PCDHB11: variants seen among roughly 807,000 people sequenced by gnomAD.
PCDHB11 encodes protocadherin beta-11.
For missense variants in PCDHB11, 1,151 were observed against 1,003.4 expected, an observed-to-expected ratio of 1.15 and a Z score of -1.99; for synonymous variants, 522 against 442.0, an observed-to-expected ratio of 1.18 and a Z score of -2.27.
Position 141,200,625 on chromosome 5 carries a change from C to T in PCDHB11, c.851C>T (p.Ala284Val), listed in dbSNP as rs1554285350. ...NGEICYTFSH[A>V]SEDIRKTFEI... ...GAAATATGCTATACCTTTTCCCATG[C>T]CTCAGAAGATATTCGCAAGACATTT... is the stretch of plus-strand genomic sequence containing the variant. Residue 284 changes from alanine to valine, a missense_variant, in exon 1 of 1, where the codon GCC (alanine) becomes GTC (valine). By Grantham distance (64) the Ala-to-Val change is moderately conservative. Transcript: ENST00000354757. The T allele has an allele frequency of 1.2e-6, 2 of 1,614,196 alleles. No individual in the cohort carries two copies. Among genetic ancestry groups the T allele is most frequent in the South Asian group, 1.1e-5 (1 of 91,088 alleles).
rs782373600 is a variant in PCDHB11, at chr5:141,201,936, C to T, written c.2162C>T (p.Ser721Leu). The change falls in exon 1 of 1, where the codon TCG (serine) becomes TTG (leucine). Residue 721 changes from serine to leucine, a missense_variant. Physicochemically the swap from Ser to Leu is moderately radical, Grantham distance 145. Coordinates refer to ENST00000354757, the MANE Select transcript of PCDHB11 (RefSeq NM_018931.3). ...CTGTGCAGGAGGAGCAGGGCGGCCTCGGTGGGAAGCTGCTCGGTGCCTAAG... is the reference window on the plus strand; with the variant it reads ...CTGTGCAGGAGGAGCAGGGCGGCCTTGGTGGGAAGCTGCTCGGTGCCTAAG... ...VRLCRRSRAASVGSCSVPKGP... is the reference protein window; with the variant it reads ...VRLCRRSRAALVGSCSVPKGP... 3 of 1,613,876 alleles carry T rather than the reference C, an allele frequency of 1.9e-6. No individual in the cohort carries two copies. Among genetic ancestry groups the T allele is most frequent in the Non-Finnish European group, 2.5e-6 (3 of 1,179,998 alleles).
At position 141,201,742 on chromosome 5, in the gene PCDHB11, C is replaced by G. The variant is rs1554285686; in HGVS notation, c.1968C>G (p.Ala656=). The stretch of plus-strand genomic sequence containing the variant: ...GCGAGCCTCCGCGCTCGGCCACCGC[C>G]ACGCTGCAAGTGCTCCTGGTGGACG... The part of the protein sequence containing the change: ...DNGEPPRSAT[A]TLQVLLVDGF... Residue 656 remains alanine, a synonymous_variant, in exon 1 of 1, where the codon GCC becomes GCG. Coordinates refer to ENST00000354757, the MANE Select transcript of PCDHB11 (RefSeq NM_018931.3). 6.2e-7 allele frequency: 1 copy of G among 1,608,582 alleles called. No homozygotes were observed. Among genetic ancestry groups the G allele is most frequent in the Admixed American group, 1.7e-5 (1 of 60,008 alleles).
At position 141,202,293 on chromosome 5, in the gene PCDHB11, C is replaced by G. The variant is rs1306876868; in HGVS notation, c.*125C>G. Reference sequence around the variant, plus strand: ...AATTGTATTTTTAATTTTTTCTTTTCTCCCCCAATTTTTTTTTTTTTTTTG... The same window carrying G: ...AATTGTATTTTTAATTTTTTCTTTTGTCCCCCAATTTTTTTTTTTTTTTTG... On this transcript the variant is annotated 3_prime_UTR_variant, in exon 1 of 1. Coordinates refer to ENST00000354757, the MANE Select transcript of PCDHB11 (RefSeq NM_018931.3). 14 of 997,946 alleles carry G rather than the reference C, an allele frequency of 1.4e-5. No individual in the cohort carries two copies. In the East Asian group the frequency reaches 3.9e-4, roughly 28 times the overall value. The allele number at this position is 997,946 out of a possible 1,614,324, so 61.8% of individuals were successfully genotyped here. A position where few individuals can be genotyped will look rare whatever the true frequency, so the allele number is the denominator to read the frequency against.
rs1284526802 is a variant in PCDHB11 at position 141,200,027 on chromosome 5, C to T, written c.253C>T (p.Leu85Phe). ...GCTGGACATAAACACTGGGGATTTG[C>T]TCTTAAGTGAAACACTAGACAGGGA... ...LQLDINTGDL[L>F]LSETLDREEL... Residue 85 changes from leucine (L) to phenylalanine (F), a missense_variant, in exon 1 of 1, where the codon CTC becomes TTC. By Grantham distance (22) the Leu-to-Phe change is conservative. Coordinates refer to ENST00000354757, the MANE Select transcript of PCDHB11 (RefSeq NM_018931.3). 3.1e-6 allele frequency: 5 copies of T among 1,614,016 alleles called. No individual in the cohort carries two copies. In the African/African-American group the frequency reaches 5.3e-5, roughly 17 times the overall value.
Position 141,201,115 on chromosome 5 carries a change from C to T in PCDHB11, c.1341C>T (p.Asn447=), listed in dbSNP as rs781827843. The change falls in exon 1 of 1, where the codon AAC becomes AAT. Residue 447 remains asparagine (N), a synonymous_variant. Transcript: ENST00000354757. ...TGTTGGTCTCTGACGTCAATGACAA[C>T]GCCCCCACCTTCACCCAAACCTCCT... ...TTVLVSDVND[N]APTFTQTSYT... is the part of the protein sequence containing the mutation. 2 of 1,614,118 alleles carry T rather than the reference C, an allele frequency of 1.2e-6. No homozygotes were observed. The highest frequency in any genetic ancestry group is 1.7e-5 in the Admixed American group (1 of 60,014).
In PCDHB11 at chr5:141,202,828, C is replaced by G. The variant is rs372700893; in HGVS notation, c.*660C>G. The G allele has an allele frequency of 6.6e-6, 1 of 151,818 alleles. No individual in the cohort carries two copies. Among genetic ancestry groups the G allele is most frequent in the Non-Finnish European group, 1.5e-5 (1 of 67,948 alleles). 9.4% of individuals were successfully genotyped at this position (151,818 alleles called of 1,614,324 possible). ...ATCGTCACCATATTTCTTAGGCTGG[C>G]CTTTAACTTCTGAGCTCAAGAGATG... On this transcript the variant is annotated 3_prime_UTR_variant, in exon 1 of 1. Transcript: ENST00000354757.
In PCDHB11 at chr5:141,201,727, G is replaced by A; in HGVS notation, c.1953G>A (p.Pro651=). The change falls in exon 1 of 1, where the codon CCG becomes CCA. Residue 651 remains proline, a synonymous_variant. Coordinates refer to ENST00000354757, the MANE Select transcript of PCDHB11 (RefSeq NM_018931.3). ...VVLVKDNGEP[P]RSATATLQVL... ...TGGTCAAGGACAATGGCGAGCCTCC[G>A]CGCTCGGCCACCGCCACGCTGCAAG... is the stretch of plus-strand genomic sequence containing the variant. 2 of 1,607,576 alleles carry A rather than the reference G, an allele frequency of 1.2e-6. No homozygotes were observed. The highest frequency in any genetic ancestry group is 1.7e-5 in the Admixed American group (1 of 59,996).
In PCDHB11 at chr5:141,202,057, A is replaced by G. The variant is rs782072249; in HGVS notation, c.2283A>G (p.Thr761=). 34 of 1,614,030 alleles carry G rather than the reference A, an allele frequency of 2.1e-5. No individual in the cohort carries two copies. The South Asian group carries it at 3.5e-4, about 17-fold the overall frequency. Residue 761 remains threonine (T), a synonymous_variant, in exon 1 of 1, where the codon ACA becomes ACG. Transcript: ENST00000354757. ...YEVCLTGGSE[T]NEFKFLKPVI... is the part of the protein sequence containing the mutation. ...TGTGTCTGACGGGAGGTTCCGAGACAAATGAATTCAAGTTCCTAAAACCGG... is the reference window on the plus strand; with the variant it reads ...TGTGTCTGACGGGAGGTTCCGAGACGAATGAATTCAAGTTCCTAAAACCGG...
In PCDHB11 at chr5:141,200,943, C is replaced by T; in HGVS notation, c.1169C>T (p.Pro390Leu). 1 of 1,614,176 alleles carries T rather than the reference C, an allele frequency of 6.2e-7. No individual in the cohort carries two copies. The part of the protein sequence containing the change: ...RIVCSIPEDL[P>L]FVLKSSVENY... ...GTTTGTTCCATTCCGGAAGACCTCC[C>T]ATTCGTGCTAAAATCTTCAGTTGAG... The change falls in exon 1 of 1, where the codon CCA becomes CTA. Residue 390 changes from proline to leucine, a missense_variant. Pro to Leu is a moderately conservative substitution (Grantham distance 98). Coordinates refer to ENST00000354757, the MANE Select transcript of PCDHB11 (RefSeq NM_018931.3).
chr5:141,201,775 C>T lies in PCDHB11; in HGVS notation c.2001C>T (p.Ser667=), dbSNP rs1267729253. Residue 667 remains serine (S), a synonymous_variant, in exon 1 of 1, where the codon TCC becomes TCT. Coordinates refer to ENST00000354757, the MANE Select transcript of PCDHB11 (RefSeq NM_018931.3). ...TLQVLLVDGF[S]QPYLPLPEAA... Reference sequence around the variant, plus strand: ...AAGTGCTCCTGGTGGACGGCTTCTCCCAGCCCTACCTGCCGCTCCCTGAGG... The same window carrying T: ...AAGTGCTCCTGGTGGACGGCTTCTCTCAGCCCTACCTGCCGCTCCCTGAGG... 1.4e-5 allele frequency: 23 copies of T among 1,609,552 alleles called. No homozygotes were observed. The highest frequency in any genetic ancestry group is 6.6e-5 in the South Asian group (6 of 90,994).
In PCDHB11 at chr5:141,200,193, T is replaced by C. The variant is rs553664559; in HGVS notation, c.419T>C (p.Leu140Pro). Reference protein sequence around the residue: ...SPIFSEKQMLLEIPENSPVGA... With the variant: ...SPIFSEKQMLPEIPENSPVGA... ...ATCTTCTCGGAAAAACAAATGCTCC[T>C]AGAAATCCCAGAGAACAGTCCCGTT... Residue 140 changes from leucine (L) to proline (P), a missense_variant, in exon 1 of 1, where the codon CTA becomes CCA. By Grantham distance (98) the Leu-to-Pro change is moderately conservative (BLOSUM62 -3). Coordinates refer to ENST00000354757, the MANE Select transcript of PCDHB11 (RefSeq NM_018931.3). 27 of 1,614,196 alleles carry C rather than the reference T, an allele frequency of 1.7e-5. No homozygotes were observed. In the South Asian group the frequency reaches 2.5e-4, roughly 15 times the overall value.
chr5:141,200,515 T>G lies in PCDHB11; in HGVS notation c.741T>G (p.Tyr247Ter). 6.2e-7 allele frequency: 1 copy of G among 1,614,178 alleles called. No homozygotes were observed. The highest frequency in any genetic ancestry group is 8.5e-7 in the Non-Finnish European group (1 of 1,180,020). ...CCCCTGAATTTGAGCAGGCTTTTTA[T>G]GAGGTGAAGATTCGGGAGAATAGCA... Reference protein sequence around the residue: ...DNSPEFEQAFYEVKIRENSIL... With the variant: ...DNSPEFEQAF The change falls in exon 1 of 1, where the codon TAT becomes TAG. Residue 247 changes from tyrosine (Y) to a stop codon, truncating the protein, a stop_gained. Transcript: ENST00000354757. LOFTEE classifies it low-confidence loss of function (END_TRUNC).
At position 141,200,869 on chromosome 5, in the gene PCDHB11, T is replaced by C. The variant is rs1554285404; in HGVS notation, c.1095T>C (p.Val365=). The C allele has an allele frequency of 6.2e-7, 1 of 1,614,200 alleles. No individual in the cohort carries two copies. Among genetic ancestry groups the C allele is most frequent in the South Asian group, 1.1e-5 (1 of 91,088 alleles). The change falls in exon 1 of 1, where the codon GTT becomes GTC. Residue 365 remains valine, a synonymous_variant. Transcript: ENST00000354757. Reference sequence around the variant, plus strand: ...CAGAAAATACGCCAGAGACCGTGGTTATGGTTTTTAGTATCCAAGATATAG... The same window carrying C: ...CAGAAAATACGCCAGAGACCGTGGTCATGGTTTTTAGTATCCAAGATATAG... ...PIPENTPETV[V]MVFSIQDIDS...
Position 141,199,841 on chromosome 5 carries a change from A to T in PCDHB11, c.67A>T (p.Met23Leu). 6.2e-7 allele frequency: 1 copy of T among 1,614,166 alleles called. No individual in the cohort carries two copies. Among genetic ancestry groups the T allele is most frequent in the Non-Finnish European group, 8.5e-7 (1 of 1,180,038 alleles). ...CCTGCTTCTCTTTGTTTTGCTCGGA[A>T]TGTCTCAGGCGGGCTCTGAAACCTG... ...QVLLLFVLLG[M>L]SQAGSETWSF... The change falls in exon 1 of 1, where the codon ATG becomes TTG. Residue 23 changes from methionine to leucine, a missense_variant. Coordinates refer to ENST00000354757, the MANE Select transcript of PCDHB11 (RefSeq NM_018931.3).
rs1754156716 is a variant in PCDHB11 at position 141,200,751 on chromosome 5, G to A, written c.977G>A (p.Gly326Glu). Residue 326 changes from glycine (G) to glutamate (E), a missense_variant, in exon 1 of 1, where the codon GGA (glycine) becomes GAA (glutamate). Physicochemically the swap from Gly to Glu is moderately conservative, Grantham distance 98. Transcript: ENST00000354757. ...ATCATTCAAGCCACAGATGGGGGAG[G>A]ACTTTTTGGAAAATCTACAGTCATA... is the stretch of plus-strand genomic sequence containing the variant. Reference protein sequence around the residue: ...SIIIQATDGGGLFGKSTVIIH... With the variant: ...SIIIQATDGGELFGKSTVIIH... 3.3e-5 allele frequency: 53 copies of A among 1,613,986 alleles called. No homozygotes were observed. In the East Asian group the frequency reaches 1.2e-3, roughly 35 times the overall value.
In PCDHB11 at chr5:141,202,468, T is replaced by A. The variant is rs1754228580; in HGVS notation, c.*300T>A. ...GCGCCCACCACCACGCTCGGCTAAATTTTTTTTTTTTTTATCTTTAGTAGA... is the reference window on the plus strand; with the variant it reads ...GCGCCCACCACCACGCTCGGCTAAAATTTTTTTTTTTTTATCTTTAGTAGA... On this transcript the variant is annotated 3_prime_UTR_variant, in exon 1 of 1. Coordinates refer to ENST00000354757, the MANE Select transcript of PCDHB11 (RefSeq NM_018931.3). 1.5e-5 allele frequency: 2 copies of A among 135,822 alleles called. No individual in the cohort carries two copies. The highest frequency in any genetic ancestry group is 3.3e-5 in the African/African-American group (1 of 30,050). 8.4% of individuals were successfully genotyped at this position (135,822 alleles called of 1,614,324 possible).
rs1434056460 is a variant in PCDHB11, at chr5:141,202,421, T to C, written c.*253T>C. 17 of 280,218 alleles carry C rather than the reference T, an allele frequency of 6.1e-5. No homozygotes were observed. Among genetic ancestry groups the C allele is most frequent in the Non-Finnish European group, 1.0e-4 (16 of 153,230 alleles). The allele number at this position is 280,218 out of a possible 1,614,324, so 17.4% of individuals were successfully genotyped here. Reference sequence around the variant, plus strand: ...TTCAAGCAATTCTCCTGCATCAGCCTCCCGAGTAGCTGGCATTACAGGCGC... The same window carrying C: ...TTCAAGCAATTCTCCTGCATCAGCCCCCCGAGTAGCTGGCATTACAGGCGC... On this transcript the variant is annotated 3_prime_UTR_variant, in exon 1 of 1. Coordinates refer to ENST00000354757, the MANE Select transcript of PCDHB11 (RefSeq NM_018931.3).
Position 141,200,737 on chromosome 5 carries a change from C to A in PCDHB11, c.963C>A (p.Ala321=). The change falls in exon 1 of 1, where the codon GCC becomes GCA. Residue 321 remains alanine, a synonymous_variant. Transcript: ENST00000354757. ...AGTCATACTCAATAATCATTCAAGC[C>A]ACAGATGGGGGAGGACTTTTTGGAA... ...TIESYSIIIQ[A]TDGGGLFGKS... 1.2e-6 allele frequency: 2 copies of A among 1,614,150 alleles called. No homozygotes were observed. Among genetic ancestry groups the A allele is most frequent in the South Asian group, 1.1e-5 (1 of 91,082 alleles).
At position 141,202,217 on chromosome 5, in the gene PCDHB11, A is replaced by G. The variant is rs1554285856; in HGVS notation, c.*49A>G. The G allele has an allele frequency of 7.7e-6, 11 of 1,429,152 alleles. No homozygotes were observed. The East Asian group carries it at 2.4e-4, about 31-fold the overall frequency. 88.5% of individuals were successfully genotyped at this position (1,429,152 alleles called of 1,614,324 possible). On this transcript the variant is annotated 3_prime_UTR_variant, in exon 1 of 1. Transcript: ENST00000354757. ...TGTACTTTTTTAGTTTTATGTAACC[A>G]TATCAATATTATTTAGTCTTAAACT...
Sources: gnomAD v4.1 joint callset for allele counts on GRCh38, gnomAD v4.1.1 for gene constraint, MANE v1.5 for transcripts, NCBI Gene and HGNC (gene_info 2026-07-23, HGNC 2026-07-21) for gene names.